Variants in OSTF1 observed in about 807,000 individuals in gnomAD.
OSTF1 encodes the protein osteoclast-stimulating factor 1.
In OSTF1, 27 loss-of-function variants were observed where a neutral mutation model predicts 37.2. That is an observed-to-expected ratio of 0.73 (90% CI 0.54 to 1.00). OSTF1 has a LOEUF of 1.00. Ranked by LOEUF, OSTF1 falls within the 50% of genes least tolerant of loss-of-function variation. The probability of loss-of-function intolerance (pLI) is 0.00; values close to 1 mark genes in which losing one functional copy is unlikely to be tolerated. For synonymous variants in OSTF1, 82 were observed against 89.2 expected (o/e 0.92, Z 0.46); for missense variants, 232 against 253.8 (o/e 0.91, Z 0.58).
At chr9:75,100,797 G>A (rs777834902) in intron 1 of OSTF1, among the ~76,000 whole-genome samples, 2 of 151,884 alleles carry the variant, frequency 1.3e-5, no homozygotes, top group Non-Finnish European at 2.9e-5. Context: ...GGGCCTTGGC[G>A]TGGCTGAAGG....
intron 1 of OSTF1, among the ~76,000 whole-genome samples, chr9:75,111,487 TTACGTGAAG>T (rs1825387118): frequency 1.3e-5 from 2 of 152,178 alleles, no homozygotes; most frequent in Non-Finnish European, 2.9e-5. Context: ...CTGATCTTGC[TTACGTGAAG>T]AGACCAGCCC....
chr9:75,127,862 A>G (rs753832545), intron 3 of OSTF1, among the ~76,000 whole-genome samples: 1 of 152,026 alleles, frequency 6.6e-6, no homozygotes, highest in Non-Finnish European at 1.5e-5. Context: ...GAAATGGGGA[A>G]TATCTCTATA....
intron 1 of OSTF1, among the ~76,000 whole-genome samples, chr9:75,088,958 G>C (rs1824875799): frequency 6.6e-6 from 1 of 152,110 alleles, no homozygotes; most frequent in African/African-American, 2.4e-5. Context: ...ATTTAAAGGG[G>C]AGTAGCCCTC....
chr9:75,100,238 C>T (rs1179422763), intron 1 of OSTF1, among the ~76,000 whole-genome samples: 1 of 152,208 alleles, frequency 6.6e-6, no homozygotes, highest in Admixed American at 6.5e-5. Context: ...GTTATTCTCA[C>T]TGCCACGCCA....
intron 1 of OSTF1, among the ~76,000 whole-genome samples, chr9:75,101,310 C>T (rs530874686): frequency 6.6e-6 from 1 of 152,282 alleles, no homozygotes; most frequent in Admixed American, 6.5e-5. Flanking sequence ...GAATGTGGCT[C>T]TTAGGAACAC....
At position 75,137,633 on chromosome 9, in the gene OSTF1, G is replaced by A. The variant is rs1692243166; in HGVS notation, c.487+17G>A. The A allele has an allele frequency of 6.5e-7, 1 of 1,534,712 alleles. No homozygotes were observed. Among genetic ancestry groups the A allele is most frequent in the African/African-American group, 1.4e-5 (1 of 73,598 alleles). ...TGGCAAAAGGTAAAGTTTGTGCTGAGTTTATCTGGTCTTTGCTTGCCCTGA... is the reference window on the plus strand; with the variant it reads ...TGGCAAAAGGTAAAGTTTGTGCTGAATTTATCTGGTCTTTGCTTGCCCTGA... On this transcript the variant is annotated intron_variant, in intron 8 of 9. Coordinates refer to ENST00000346234, the MANE Select transcript of OSTF1 (RefSeq NM_012383.5).
At chr9:75,102,096 G>A (rs745707224) in intron 1 of OSTF1, among the ~76,000 whole-genome samples, 3 of 152,070 alleles carry the variant, frequency 2.0e-5, no homozygotes, top group East Asian at 1.9e-4. Context: ...CCCAAGTAGC[G>A]CACATTACTG....
At chr9:75,112,375 C>T (rs1223884555) in intron 1 of OSTF1, among the ~76,000 whole-genome samples, 2 of 152,038 alleles carry the variant, frequency 1.3e-5, no homozygotes, top group South Asian at 2.1e-4. Flanking sequence ...CTTTCATATT[C>T]TGAGGCTATT....
intron 9 of OSTF1, among the ~76,000 whole-genome samples, chr9:75,141,594 A>G (rs902778148): frequency 5.3e-5 from 8 of 152,186 alleles, no homozygotes; most frequent in African/African-American, 1.9e-4. Flanking sequence ...AAATATTTTT[A>G]AAAATAACAT....
At chr9:75,129,625 G>C (rs1326381947) in intron 3 of OSTF1, among the ~76,000 whole-genome samples, 2 of 152,142 alleles carry the variant, frequency 1.3e-5, no homozygotes, top group African/African-American at 4.8e-5. Flanking sequence ...CAATTTATAG[G>C]CAATACAGGG....
intron 3 of OSTF1, among the ~76,000 whole-genome samples, chr9:75,128,799 C>CA (rs1825718175): frequency 6.6e-6 from 1 of 151,234 alleles, no homozygotes; most frequent in South Asian, 2.1e-4. Context: ...AAAGGATACA[C>CA]AGATGTAAGA....
At chr9:75,101,165 G>A (rs1825186485) in intron 1 of OSTF1, among the ~76,000 whole-genome samples, 1 of 152,176 alleles carries the variant, frequency 6.6e-6, no homozygotes, top group African/African-American at 2.4e-5. Flanking sequence ...TCAGGACCGG[G>A]CCAAGCTGGA....
At chr9:75,088,831 C>T in intron 1 of OSTF1, 105 bp downstream of exon 1, 1 of 1,166,006 alleles carries the variant, frequency 8.6e-7, no homozygotes, top group Non-Finnish European at 1.2e-6. Flanking sequence ...CGGCCCCGAG[C>T]CTGGCTTCCG....
intron 2 of OSTF1, among the ~76,000 whole-genome samples, chr9:75,120,692 T>C (rs1294600462): frequency 1.3e-5 from 2 of 152,204 alleles, no homozygotes; most frequent in East Asian, 1.9e-4. Flanking sequence ...CTGAGCTAGA[T>C]TGGCATTCCT....
At chr9:75,116,678 T>A (rs1418310162) in intron 1 of OSTF1, among the ~76,000 whole-genome samples, 1 of 151,864 alleles carries the variant, frequency 6.6e-6, no homozygotes, top group African/African-American at 2.4e-5. Context: ...ACCCACTGAT[T>A]TAAGAATATT....
intron 9 of OSTF1, among the ~76,000 whole-genome samples, chr9:75,142,871 T>C (rs1490042063): frequency 1.3e-5 from 2 of 152,352 alleles, no homozygotes; most frequent in East Asian, 1.9e-4. Context: ...AGGTTTGGAC[T>C]ATTTGGCCAT....
intron 1 of OSTF1, among the ~76,000 whole-genome samples, chr9:75,117,008 C>T (rs1489461418): frequency 6.6e-6 from 1 of 151,900 alleles, no homozygotes; most frequent in Non-Finnish European, 1.5e-5. Flanking sequence ...ACAGTAGTTG[C>T]TGCTGCTACT....
At chr9:75,133,146 T>C in intron 5 of OSTF1, 148 bp from the exon 6 acceptor site, 2 of 567,840 alleles carry the variant, frequency 3.5e-6, no homozygotes, top group Non-Finnish European at 6.3e-6. Flanking sequence ...TGTACCATAA[T>C]AAATGCATTA....
At chr9:75,139,063 TTG>T (rs1474396305) in intron 8 of OSTF1, among the ~76,000 whole-genome samples, 1 of 148,308 alleles carries the variant, frequency 6.7e-6, no homozygotes, top group Non-Finnish European at 1.5e-5. Flanking sequence ...TCTTTTTTTT[TTG>T]AAACTGGGTC....
Sources: allele counts gnomAD v4.1 joint callset (sites outside exome capture counted in the v4.1 genomes callset), GRCh38; gene constraint gnomAD v4.1.1; transcripts MANE v1.5; gene names NCBI Gene and HGNC (gene_info 2026-07-23, HGNC 2026-07-21).